The following TANC1 variants were observed in gnomAD, a reference collection of about 807,000 sequenced individuals.
The protein encoded by TANC1 is protein TANC1.
Under a neutral mutation model 149.7 loss-of-function variants are expected in TANC1, and 77 were observed. The ratio of observed to expected loss-of-function variants is 0.51; its 90% CI spans 0.43 to 0.62. The LOEUF (loss-of-function observed/expected upper bound fraction) is 0.62. TANC1 is among the 20% of genes least tolerant of loss of function. The pLI is 0.00. For missense variants in TANC1, 1,985 were observed against 2,321.8 expected, an observed-to-expected ratio of 0.85 and a Z score of 2.98; for synonymous variants, 854 against 925.0, an observed-to-expected ratio of 0.92 and a Z score of 1.39.
At chr2:159,217,387 AG>A in intron 19 of TANC1, 109 bp from the exon 20 acceptor site, 7 of 1,398,960 alleles carry the variant, frequency 5.0e-6, no homozygotes, top group Non-Finnish European at 6.9e-6. Flanking sequence ...TCAAAGGGGG[AG>A]GACATATAGA....
At chr2:159,069,930 G>A (rs528416161) in intron 3 of TANC1, among the ~76,000 whole-genome samples, 2 of 151,716 alleles carry the variant, frequency 1.3e-5, no homozygotes, top group Non-Finnish European at 2.9e-5. Context: ...GCTAATTTTT[G>A]TGGGGTTTTG....
At chr2:159,033,684 T>C (rs940663256) in intron 2 of TANC1, among the ~76,000 whole-genome samples, 4 of 152,156 alleles carry the variant, frequency 2.6e-5, no homozygotes, top group African/African-American at 7.2e-5. Flanking sequence ...TGACGGGACA[T>C]GGGAGTGACA....
At chr2:159,111,341 T>C (rs1027752306) in intron 4 of TANC1, among the ~76,000 whole-genome samples, 5 of 152,216 alleles carry the variant, frequency 3.3e-5, no homozygotes, top group African/African-American at 1.2e-4. Context: ...AGCTACATAC[T>C]GTTCAAAGCT....
intron 14 of TANC1, among the ~76,000 whole-genome samples, chr2:159,183,765 TC>T (rs1231297510): frequency 6.6e-6 from 1 of 151,874 alleles, no homozygotes; most frequent in Non-Finnish European, 1.5e-5. Context: ...TGGAGAAAGA[TC>T]CATAAAGAAG....
intron 1 of TANC1, among the ~76,000 whole-genome samples, chr2:158,999,552 A>C (rs541760144): frequency 6.6e-6 from 1 of 152,050 alleles, no homozygotes; most frequent in Non-Finnish European, 1.5e-5. Flanking sequence ...TCAGCTGGAT[A>C]TTTTTCATAA....
intron 3 of TANC1, among the ~76,000 whole-genome samples, chr2:159,068,086 T>G (rs1367909214): frequency 1.3e-5 from 2 of 152,230 alleles, no homozygotes; most frequent in Non-Finnish European, 2.9e-5. Context: ...TATGTGCCTT[T>G]TTGCTCTTAA....
At chr2:159,111,827 C>A (rs532342721) in intron 4 of TANC1, among the ~76,000 whole-genome samples, 1 of 152,278 alleles carries the variant, frequency 6.6e-6, no homozygotes, top group East Asian at 1.9e-4. Context: ...CTATCTTGGG[C>A]TGTTTGAAGT....
At chr2:159,138,151 C>CCTGATTT (rs147920429) in intron 5 of TANC1, among the ~76,000 whole-genome samples, 1 of 152,044 alleles carries the variant, frequency 6.6e-6, no homozygotes, top group African/African-American at 2.4e-5. Flanking sequence ...CTTTCTGATT[C>CCTGATTT]GGCATCTTTA....
chr2:159,170,806 G>C lies in TANC1; in HGVS notation c.1351+1G>C. The C allele has an allele frequency of 6.2e-7, 1 of 1,612,276 alleles. No homozygotes were observed. Among genetic ancestry groups the C allele is most frequent in the Non-Finnish European group, 8.5e-7 (1 of 1,178,362 alleles). ...AACAGCCCGGGTTCATCACCTAAAA[G>C]TACGTGCATGTTTAATTACTTGTCT... On this transcript the variant is annotated splice_donor_variant, in intron 10 of 26. Coordinates refer to ENST00000263635, the MANE Select transcript of TANC1 (RefSeq NM_033394.3). LOFTEE classifies it high-confidence loss of function.
chr2:159,199,489 A>C (rs1304582642), intron 19 of TANC1, among the ~76,000 whole-genome samples: 1 of 152,256 alleles, frequency 6.6e-6, no homozygotes, highest in Non-Finnish European at 1.5e-5. Flanking sequence ...TGCCCTGTAC[A>C]GAATGAGGGT....
At chr2:159,123,886 C>T (rs2049115608) in intron 4 of TANC1, among the ~76,000 whole-genome samples, 1 of 152,156 alleles carries the variant, frequency 6.6e-6, no homozygotes. Flanking sequence ...GCCAGTCTCC[C>T]CTCGTGCCCC....
intron 2 of TANC1, among the ~76,000 whole-genome samples, chr2:159,028,597 GTGT>G (rs1374819181): frequency 6.6e-5 from 10 of 152,272 alleles, no homozygotes; most frequent in African/African-American, 1.9e-4. Flanking sequence ...TAAGTGTACA[GTGT>G]TGTTAACTTA....
intron 3 of TANC1, among the ~76,000 whole-genome samples, chr2:159,072,562 G>A (rs762244192): frequency 4.6e-5 from 7 of 152,146 alleles, no homozygotes; most frequent in Non-Finnish European, 1.0e-4. Flanking sequence ...TTTGGCCTCT[G>A]CTAGATATCC....
intron 2 of TANC1, among the ~76,000 whole-genome samples, chr2:159,023,506 A>G (rs2038998579): frequency 6.6e-6 from 1 of 151,904 alleles, no homozygotes; most frequent in Admixed American, 6.6e-5. Flanking sequence ...ACGCCTGGGT[A>G]CTTTTTTGTA....
intron 2 of TANC1, among the ~76,000 whole-genome samples, chr2:159,048,570 C>CT (rs1425823512): frequency 5.9e-5 from 9 of 152,230 alleles, no homozygotes; most frequent in East Asian, 1.9e-4. Context: ...CATGAGCCCT[C>CT]TTTTTTTATA....
chr2:159,185,198 C>T (rs529093415), intron 14 of TANC1, among the ~76,000 whole-genome samples: 42 of 152,176 alleles, frequency 2.8e-4, no homozygotes, highest in Non-Finnish European at 4.4e-4. Flanking sequence ...GGCATGGGAT[C>T]CACAGGAAGA....
intron 2 of TANC1, among the ~76,000 whole-genome samples, chr2:159,027,436 G>A (rs2039437485): frequency 6.6e-6 from 1 of 152,178 alleles, no homozygotes; most frequent in Non-Finnish European, 1.5e-5. Context: ...CTAGTTTCCA[G>A]TACTTTGTTC....
At chr2:159,039,291 C>T (rs899379368) in intron 2 of TANC1, among the ~76,000 whole-genome samples, 1 of 152,122 alleles carries the variant, frequency 6.6e-6, no homozygotes, top group Admixed American at 6.5e-5. Context: ...TTTCAAAAAA[C>T]AGCTCCTGGA....
rs570331237 is a variant in TANC1 at position 159,164,945 on chromosome 2, C to T, written c.946+1399C>T. ...GACTGATAGTCCTTCCACAAGCTTT[C>T]CTGTCCTCCCACCACTGTCCCACCA... On this transcript the variant is annotated intron_variant, in intron 8 of 26. Coordinates refer to ENST00000263635, the MANE Select transcript of TANC1 (RefSeq NM_033394.3). Among the ~76,000 whole-genome samples, 5 of 152,304 alleles carry T rather than the reference C, an allele frequency of 3.3e-5. No homozygotes were observed. In the South Asian group the frequency reaches 1.0e-3, roughly 32 times the overall value.
Sources: gnomAD v4.1 joint callset for allele counts (sites outside exome capture counted in the v4.1 genomes callset) on GRCh38, gnomAD v4.1.1 for gene constraint, MANE v1.5 for transcripts, NCBI Gene and HGNC (gene_info 2026-07-23, HGNC 2026-07-21) for gene names.